MSR1: variants seen among roughly 807,000 people sequenced by gnomAD.
The protein encoded by MSR1 is macrophage scavenger receptor 1.
Under a neutral mutation model 47.2 loss-of-function variants are expected in MSR1, and 53 were observed. The observed-to-expected ratio is 1.12, with a 90% CI of 0.90 to 1.41. The LOEUF (loss-of-function observed/expected upper bound fraction) is 1.41. Ranked by LOEUF, MSR1 falls within the 40% of genes most tolerant of loss-of-function variation. The probability of loss-of-function intolerance (pLI) is 0.00; values close to 1 mark genes in which losing one functional copy is unlikely to be tolerated. For synonymous variants in MSR1, 239 were observed against 185.6 expected (o/e 1.29, Z -2.34); for missense variants, 786 against 546.9 (o/e 1.44, Z -4.36).
chr8:16,181,795 T>C (rs1801841100), intron 1 of MSR1, among the ~76,000 whole-genome samples: 1 of 140,818 alleles, frequency 7.1e-6, no homozygotes, highest in South Asian at 2.4e-4. Context: ...ACTTAAAGTA[T>C]AATTTAAAAA....
At chr8:16,179,686 C>A (rs1275642805) in intron 1 of MSR1, among the ~76,000 whole-genome samples, 1 of 151,740 alleles carries the variant, frequency 6.6e-6, no homozygotes, top group African/African-American at 2.4e-5. Context: ...TCGAGACCAG[C>A]CTGGCCAACA....
chr8:16,178,097 G>GTTTT, intron 1 of MSR1, 105 bp from the exon 2 acceptor site: 5 of 813,520 alleles, frequency 6.1e-6, no homozygotes, highest in South Asian at 1.6e-5. Flanking sequence ...AATCTATTCA[G>GTTTT]TTTTTCTTTT....
intron 3 of MSR1, among the ~76,000 whole-genome samples, chr8:16,171,421 G>C (rs1403207744): frequency 6.6e-6 from 1 of 151,844 alleles, no homozygotes; most frequent in Non-Finnish European, 1.5e-5. Flanking sequence ...ATTTTGATGT[G>C]ATCTACAATA....
At chr8:16,167,555 A>C (rs912878653) in intron 4 of MSR1, among the ~76,000 whole-genome samples, 1 of 152,076 alleles carries the variant, frequency 6.6e-6, no homozygotes, top group Non-Finnish European at 1.5e-5. Flanking sequence ...AAAAACAAAC[A>C]AACAAACAAA....
At chr8:16,181,704 T>C (rs1362329925) in intron 1 of MSR1, among the ~76,000 whole-genome samples, 4 of 151,762 alleles carry the variant, frequency 2.6e-5, no homozygotes, top group African/African-American at 4.8e-5. Context: ...ATGTAAATGA[T>C]GGGTTGATGG....
At chr8:16,132,966 G>A (rs1286310635) in intron 8 of MSR1, among the ~76,000 whole-genome samples, 1 of 152,140 alleles carries the variant, frequency 6.6e-6, no homozygotes, top group African/African-American at 2.4e-5. Flanking sequence ...TGCATTGAGA[G>A]TTTTTAACAT....
chr8:16,150,975 A>G lies in MSR1; in HGVS notation c.899-664T>C, dbSNP rs1385288. Among the ~76,000 whole-genome samples the G allele has an allele frequency of 3.4e-3, 515 of 151,758 alleles. 14 individuals carry two copies. Among genetic ancestry groups the G allele is most frequent in the Admixed American group, 0.027 (410 of 15,182 alleles). Reference sequence around the variant, plus strand: ...GCTTAAATGAAAACTGAAAATGGCTATTTTTTTTACCCAATATTACTATGG... The same window carrying G: ...GCTTAAATGAAAACTGAAAATGGCTGTTTTTTTTACCCAATATTACTATGG... On this transcript the variant is annotated intron_variant, in intron 6 of 9. Coordinates refer to ENST00000262101, the MANE Select transcript of MSR1 (RefSeq NM_138715.3).
At chr8:16,145,000 C>G (rs563478121) in intron 7 of MSR1, among the ~76,000 whole-genome samples, 4 of 151,800 alleles carry the variant, frequency 2.6e-5, no homozygotes, top group African/African-American at 9.7e-5. Flanking sequence ...AATTTACCAG[C>G]TAAAAAAATA....
chr8:16,161,437 G>A (rs1162833771), intron 5 of MSR1, among the ~76,000 whole-genome samples: 2 of 151,894 alleles, frequency 1.3e-5, no homozygotes, highest in African/African-American at 4.8e-5. Context: ...AACTGTTAGA[G>A]AAAAATCTGA....
intron 8 of MSR1, among the ~76,000 whole-genome samples, chr8:16,129,963 C>T (rs769061570): frequency 7.2e-5 from 11 of 152,120 alleles, no homozygotes; most frequent in Non-Finnish European, 1.5e-5. Context: ...ACTTGGTACT[C>T]AGGCTATGGA....
chr8:16,183,529 T>C (rs1801899016), intron 1 of MSR1, among the ~76,000 whole-genome samples: 1 of 146,190 alleles, frequency 6.8e-6, no homozygotes, highest in South Asian at 2.1e-4. Flanking sequence ...ATCTATAACA[T>C]GTAATACATA....
chr8:16,167,593 A>G (rs1296861833), intron 4 of MSR1, among the ~76,000 whole-genome samples: 1 of 152,152 alleles, frequency 6.6e-6, no homozygotes, highest in Non-Finnish European at 1.5e-5. Context: ...TGGTCTCTGC[A>G]GGATTTAATG....
intron 1 of MSR1, among the ~76,000 whole-genome samples, chr8:16,189,444 T>A (rs1349397406): frequency 3.4e-5 from 3 of 87,594 alleles, no homozygotes; most frequent in Non-Finnish European, 5.7e-5. Flanking sequence ...ATTTTATATA[T>A]ATAAAATCTT....
Position 16,138,701 on chromosome 8 carries a change from T to G in MSR1, c.1033+4857A>C, listed in dbSNP as rs1363079664. Among the ~76,000 whole-genome samples the G allele has an allele frequency of 2.6e-5, 4 of 152,124 alleles. No individual in the cohort carries two copies. In the East Asian group the frequency reaches 7.7e-4, roughly 29 times the overall value. On this transcript the variant is annotated intron_variant, in intron 8 of 9. Coordinates refer to ENST00000262101, the MANE Select transcript of MSR1 (RefSeq NM_138715.3). The stretch of plus-strand genomic sequence containing the variant: ...ACTCTACCTGACTTGCAGTGCAGAA[T>G]GGGACAGGAGGTCTCACAAAATTAA...
At position 16,186,212 on chromosome 8, in the gene MSR1, G is replaced by C. The variant is rs377211096; in HGVS notation, c.-5+6386C>G. ...TGATTGCACTGAGATAGCACATCCA[G>C]GGGAGTTTTATTTATTTCTGGGTAT... is the stretch of plus-strand genomic sequence containing the variant. On this transcript the variant is annotated intron_variant, in intron 1 of 9. Coordinates refer to ENST00000262101, the MANE Select transcript of MSR1 (RefSeq NM_138715.3). 1.4e-4 allele frequency: 220 copies of C among 1,534,956 alleles called. 1 individual carries two copies. The highest frequency in any genetic ancestry group is 1.8e-4 in the Non-Finnish European group (211 of 1,146,140).
At chr8:16,122,289 C>A (rs12676334) in intron 8 of MSR1, among the ~76,000 whole-genome samples, 1 of 151,820 alleles carries the variant, frequency 6.6e-6, no homozygotes, top group East Asian at 1.9e-4. Flanking sequence ...CTAAAGAAAA[C>A]GAGAAAGAAA....
At chr8:16,164,328 G>C (rs1439135491) in intron 4 of MSR1, 77 bp from the exon 5 acceptor site, 3 of 1,284,452 alleles carry the variant, frequency 2.3e-6, no homozygotes, top group Non-Finnish European at 3.3e-6. Flanking sequence ...GAAACCCTCG[G>C]AGTTCAGGTT....
chr8:16,128,615 G>A (rs74691590), intron 8 of MSR1, among the ~76,000 whole-genome samples: 3,257 of 152,094 alleles, frequency 0.021, 125 homozygotes, highest in African/African-American at 0.073. Flanking sequence ...AGACTAATAC[G>A]TTTTCTTTTT....
chr8:16,167,721 C>G (rs36091963), intron 4 of MSR1, among the ~76,000 whole-genome samples: 6 of 152,168 alleles, frequency 3.9e-5, no homozygotes, highest in African/African-American at 1.4e-4. Context: ...CTTCTCCATT[C>G]TTCTTTCCCC....
Sources: gnomAD v4.1 joint callset for allele counts (sites outside exome capture counted in the v4.1 genomes callset) on GRCh38, gnomAD v4.1.1 for gene constraint, MANE v1.5 for transcripts, NCBI Gene and HGNC (gene_info 2026-07-23, HGNC 2026-07-21) for gene names.